The following PTPRD variants were observed in gnomAD, a reference collection of about 807,000 sequenced individuals.
The protein encoded by PTPRD is protein tyrosine phosphatase receptor type D, also known as receptor-type tyrosine-protein phosphatase delta.
In PTPRD, 34 loss-of-function variants were observed where a neutral mutation model predicts 214.5. The observed-to-expected ratio is 0.16, with a 90% CI of 0.12 to 0.21. PTPRD has a LOEUF of 0.21. Among genes scored for constraint, PTPRD ranks in the 10% least tolerant of loss-of-function variants. The pLI is 1.00. For synonymous variants in PTPRD, 1,128 were observed against 845.7 expected (o/e 1.33, Z -5.79); for missense variants, 2,545 against 2,398.7 (o/e 1.06, Z -1.27).
intron 34 of PTPRD, among the ~76,000 whole-genome samples, chr9:8,442,012 A>C (rs1166613775): frequency 1.3e-5 from 2 of 152,164 alleles, no homozygotes; most frequent in Non-Finnish European, 2.9e-5. Context: ...AACCATCCTC[A>C]GTTTGTGAAA....
At chr9:10,490,700 C>T (rs1211617505) in intron 2 of PTPRD, among the ~76,000 whole-genome samples, 1 of 152,088 alleles carries the variant, frequency 6.6e-6, no homozygotes, top group Non-Finnish European at 1.5e-5. Flanking sequence ...TCATATTTCA[C>T]ACTCTAGTTT....
chr9:9,109,428 T>A (rs2099803029), intron 10 of PTPRD, among the ~76,000 whole-genome samples: 1 of 152,152 alleles, frequency 6.6e-6, no homozygotes, highest in South Asian at 2.1e-4. Context: ...CTTGAATAAG[T>A]TCATTGGCAT....
chr9:10,563,080 T>C (rs115887475), intron 2 of PTPRD, among the ~76,000 whole-genome samples: 2,550 of 152,280 alleles, frequency 0.017, 67 homozygotes, highest in African/African-American at 0.058. Context: ...AAATATTCCC[T>C]AGGGCATGAT....
intron 8 of PTPRD, among the ~76,000 whole-genome samples, chr9:9,505,393 C>T (rs931045106): frequency 7.9e-5 from 12 of 151,480 alleles, no homozygotes; most frequent in Non-Finnish European, 1.5e-5. Context: ...AAAAGTGGCC[C>T]AGATTCATTG....
intron 2 of PTPRD, among the ~76,000 whole-genome samples, chr9:10,539,943 G>T (rs1229391659): frequency 6.6e-6 from 1 of 152,110 alleles, no homozygotes; most frequent in South Asian, 2.1e-4. Flanking sequence ...CAATTAATCA[G>T]CAATGTTTTA....
At chr9:9,438,978 C>T (rs2086419943) in intron 8 of PTPRD, among the ~76,000 whole-genome samples, 1 of 152,032 alleles carries the variant, frequency 6.6e-6, no homozygotes, top group Non-Finnish European at 1.5e-5. Flanking sequence ...GGAACTAAGT[C>T]AATATCCTAT....
rs536230951 is a variant in PTPRD at position 9,256,545 on chromosome 9, C to A, written c.-202-73182G>T. Reference sequence around the variant, plus strand: ...AATTCCTTGCCTTTCTCAGGAGGACCCTTTAAAGTGAAAATGACTTGCTAA... The same window carrying A: ...AATTCCTTGCCTTTCTCAGGAGGACACTTTAAAGTGAAAATGACTTGCTAA... On this transcript the variant is annotated intron_variant, in intron 9 of 45. Coordinates refer to ENST00000381196, the MANE Select transcript of PTPRD (RefSeq NM_002839.4). Among the ~76,000 whole-genome samples, 9 of 151,994 alleles carry A rather than the reference C, an allele frequency of 5.9e-5. No individual in the cohort carries two copies. In the South Asian group the frequency reaches 1.9e-3, roughly 32 times the overall value.
intron 10 of PTPRD, among the ~76,000 whole-genome samples, chr9:9,105,198 T>C (rs2099796776): frequency 6.6e-6 from 1 of 152,172 alleles, no homozygotes; most frequent in Non-Finnish European, 1.5e-5. Context: ...CTGAGAGAAG[T>C]GAGAAGTTCA....
chr9:8,807,070 C>T (rs1382105239), intron 11 of PTPRD, among the ~76,000 whole-genome samples: 1 of 152,184 alleles, frequency 6.6e-6, no homozygotes, highest in Middle Eastern at 3.2e-3. Context: ...GGCACAGTGG[C>T]TCATGCTTGT....
At chr9:10,186,644 T>G (rs185781788) in intron 3 of PTPRD, among the ~76,000 whole-genome samples, 1 of 152,082 alleles carries the variant, frequency 6.6e-6, no homozygotes, top group Non-Finnish European at 1.5e-5. Flanking sequence ...ATAAAATCAC[T>G]GAATGCTATA....
chr9:8,431,682 T>C (rs1046309935), intron 35 of PTPRD, among the ~76,000 whole-genome samples: 2 of 152,216 alleles, frequency 1.3e-5, no homozygotes, highest in Non-Finnish European at 2.9e-5. Flanking sequence ...TTGAAGTCTT[T>C]GGAGCACCTG....
intron 4 of PTPRD, among the ~76,000 whole-genome samples, chr9:10,004,365 G>A (rs1055488487): frequency 2.0e-5 from 3 of 151,860 alleles, no homozygotes; most frequent in Non-Finnish European, 4.4e-5. Context: ...ACTATTTATT[G>A]AGGAATTAAG....
At chr9:8,729,395 C>T (rs1184793001) in intron 12 of PTPRD, among the ~76,000 whole-genome samples, 2 of 151,650 alleles carry the variant, frequency 1.3e-5, no homozygotes, top group Non-Finnish European at 2.9e-5. Context: ...TAACTTGCTA[C>T]AAGAAAACCT....
intron 11 of PTPRD, among the ~76,000 whole-genome samples, chr9:8,917,133 TTC>T (rs762524483): frequency 1.4e-5 from 2 of 145,516 alleles, no homozygotes; most frequent in East Asian, 3.9e-4. Flanking sequence ...CTTCTTCTTC[TTC>T]TTTTTTTTTT....
chr9:10,358,000 A>G (rs2097309164), intron 2 of PTPRD, among the ~76,000 whole-genome samples: 1 of 152,186 alleles, frequency 6.6e-6, no homozygotes, highest in Non-Finnish European at 1.5e-5. Flanking sequence ...CAGGTACTCC[A>G]TAGTCAAAAG....
intron 2 of PTPRD, among the ~76,000 whole-genome samples, chr9:10,564,171 CTTTT>C (rs71332760): frequency 3.4e-4 from 10 of 29,408 alleles, no homozygotes; most frequent in South Asian, 1.7e-3. Flanking sequence ...CTAGGCTATT[CTTTT>C]TTTTTTTTTT....
chr9:8,472,570 G>T (rs2096674725), intron 30 of PTPRD, among the ~76,000 whole-genome samples: 1 of 152,198 alleles, frequency 6.6e-6, no homozygotes, highest in South Asian at 2.1e-4. Flanking sequence ...AATGTCACTA[G>T]CCCAAACTGG....
rs146829756 is a variant in PTPRD, at chr9:8,935,057, C to T, written c.-104+83640G>A. Among the ~76,000 whole-genome samples, 200 of 152,078 alleles carry T rather than the reference C, an allele frequency of 1.3e-3. 1 individual carries two copies. In the East Asian group the frequency reaches 0.021, roughly 16 times the overall value. Reference sequence around the variant, plus strand: ...GATATATGTATCACATTTTCTTTATCCATTTATCTGTTGATAAACACAGAC... The same window carrying T: ...GATATATGTATCACATTTTCTTTATTCATTTATCTGTTGATAAACACAGAC... On this transcript the variant is annotated intron_variant, in intron 11 of 45. Coordinates refer to ENST00000381196, the MANE Select transcript of PTPRD (RefSeq NM_002839.4).
Position 10,251,750 on chromosome 9 carries a change from G to T in PTPRD, c.-545+89213C>A, listed in dbSNP as rs139170215. 2.6e-5 allele frequency among the ~76,000 whole-genome samples: 4 copies of T among 152,092 alleles called. No individual in the cohort carries two copies. In the East Asian group the frequency reaches 5.8e-4, roughly 22 times the overall value. On this transcript the variant is annotated intron_variant, in intron 3 of 45. Transcript: ENST00000381196. Reference sequence around the variant, plus strand: ...TAGCAGTAGTCCACTTGCTCATATCGCAATGTGACCTTGCAACTTCTCCAT... The same window carrying T: ...TAGCAGTAGTCCACTTGCTCATATCTCAATGTGACCTTGCAACTTCTCCAT...
Sources: gnomAD v4.1 joint callset for allele counts (sites outside exome capture counted in the v4.1 genomes callset) on GRCh38, gnomAD v4.1.1 for gene constraint, MANE v1.5 for transcripts, NCBI Gene and HGNC (gene_info 2026-07-23, HGNC 2026-07-21) for gene names.